The following UTP4 variants were observed in gnomAD, a reference collection of about 807,000 sequenced individuals.
UTP4 encodes the protein U3 small nucleolar RNA-associated protein 4 homolog.
A neutral mutation model predicts 82.4 loss-of-function variants in UTP4; 45 were observed. The observed-to-expected ratio is 0.55, with a 90% CI of 0.43 to 0.70. The LOEUF (loss-of-function observed/expected upper bound fraction) is 0.70, where lower values mean the gene tolerates loss of function less well. Ranked by LOEUF, UTP4 falls within the 30% of genes least tolerant of loss-of-function variation. The pLI is 0.00. For synonymous variants in UTP4, 348 were observed against 300.3 expected, an observed-to-expected ratio of 1.16 and a Z score of -1.64; for missense variants, 819 against 858.3, an observed-to-expected ratio of 0.95 and a Z score of 0.57.
rs777212721 is a variant in UTP4 at position 69,157,077 on chromosome 16, C to T, written c.1288-7C>T. 1.1e-5 allele frequency: 18 copies of T among 1,614,132 alleles called. No homozygotes were observed. Among genetic ancestry groups the T allele is most frequent in the Non-Finnish European group, 1.4e-5 (17 of 1,179,994 alleles). On this transcript the variant is annotated splice_region_variant and splice_polypyrimidine_tract_variant and intron_variant, in intron 11 of 16. Transcript: ENST00000314423. ...CTCACTGGCTTTTATTATTGGTTCACCCAAAGGTTTCCAAAATGCCAGCAT... is the reference window on the plus strand; with the variant it reads ...CTCACTGGCTTTTATTATTGGTTCATCCAAAGGTTTCCAAAATGCCAGCAT...
At chr16:69,137,910 G>T (rs1295690404) in intron 4 of UTP4, 25 bp downstream of exon 4, 41 of 1,370,598 alleles carry the variant, frequency 3.0e-5, no homozygotes, top group Non-Finnish European at 4.3e-5. Context: ...TCATGGGGCG[G>T]TAAATAGCCT....
intron 13 of UTP4, 85 bp downstream of exon 13, chr16:69,160,547 G>C: frequency 1.1e-6 from 1 of 941,466 alleles, no homozygotes; most frequent in Non-Finnish European, 1.8e-6. Flanking sequence ...AGGCAGATTG[G>C]CATGACCTGG....
chr16:69,139,413 T>C (rs984698766), intron 4 of UTP4, among the ~76,000 whole-genome samples: 2 of 150,538 alleles, frequency 1.3e-5, no homozygotes, highest in Admixed American at 1.3e-4. Flanking sequence ...CTGAGGCGGG[T>C]GGATCACTTG....
At chr16:69,163,830 C>T (rs1963626619) in intron 14 of UTP4, among the ~76,000 whole-genome samples, 1 of 150,868 alleles carries the variant, frequency 6.6e-6, no homozygotes, top group Admixed American at 6.6e-5. Flanking sequence ...ATCCAGGAAG[C>T]ACATTTAAGT....
intron 13 of UTP4, 74 bp from the exon 14 acceptor site, chr16:69,163,009 A>G: frequency 2.6e-6 from 3 of 1,171,008 alleles, no homozygotes; most frequent in South Asian, 2.4e-5. Context: ...TAAACCCCTG[A>G]CCTAGACCAT....
At chr16:69,143,114 G>A (rs937419979) in intron 5 of UTP4, 64 bp from the exon 6 acceptor site, 63 of 1,553,090 alleles carry the variant, frequency 4.1e-5, no homozygotes, top group African/African-American at 1.1e-4. Context: ...CACTTTGGCC[G>A]CAGGCAGATT....
At chr16:69,157,652 A>G (rs1963455757) in intron 12 of UTP4, among the ~76,000 whole-genome samples, 1 of 152,136 alleles carries the variant, frequency 6.6e-6, no homozygotes, top group Non-Finnish European at 1.5e-5. Flanking sequence ...GTTCATAAAA[A>G]GGTACAATCA....
chr16:69,155,694 CT>C (rs1475650885), intron 10 of UTP4, among the ~76,000 whole-genome samples, 176 bp from the exon 11 acceptor site: 1 of 152,136 alleles, frequency 6.6e-6, no homozygotes, highest in Non-Finnish European at 1.5e-5. Flanking sequence ...AAAGCCATGC[CT>C]TTTAGGTGCT....
intron 2 of UTP4, among the ~76,000 whole-genome samples, chr16:69,134,259 G>T (rs533398976): frequency 6.6e-6 from 1 of 152,090 alleles, no homozygotes; most frequent in African/African-American, 2.4e-5. Flanking sequence ...TGATATAAAT[G>T]AGTAGATGGG....
intron 10 of UTP4, among the ~76,000 whole-genome samples, chr16:69,154,702 G>A (rs1371752899): frequency 7.2e-6 from 1 of 139,310 alleles, no homozygotes; most frequent in African/African-American, 2.6e-5. Context: ...AAAATAATGT[G>A]CTTTTATTTA....
chr16:69,153,841 A>G, intron 9 of UTP4, 161 bp downstream of exon 9: 3 of 674,656 alleles, frequency 4.4e-6, no homozygotes, highest in Non-Finnish European at 5.3e-6. Flanking sequence ...TAAGCTGTTT[A>G]GAGTATTAGA....
intron 12 of UTP4, 94 bp from the exon 13 acceptor site, chr16:69,160,262 C>G (rs1963529330): frequency 8.7e-6 from 8 of 917,474 alleles, no homozygotes; most frequent in Non-Finnish European, 1.5e-5. Flanking sequence ...ATTTAAAACT[C>G]TAATGGTCTC....
chr16:69,134,777 A>G (rs1420573651), intron 2 of UTP4, among the ~76,000 whole-genome samples: 1 of 136,518 alleles, frequency 7.3e-6, no homozygotes, highest in Non-Finnish European at 1.5e-5. Context: ...ATCTTGGCTC[A>G]CTGCAACCTC....
chr16:69,137,966 C>G, intron 4 of UTP4, 81 bp downstream of exon 4: 1 of 882,732 alleles, frequency 1.1e-6, no homozygotes, highest in South Asian at 1.3e-5. Flanking sequence ...GGATATTTTC[C>G]CATGAATCCA....
At chr16:69,159,637 G>A (rs374267614) in intron 12 of UTP4, among the ~76,000 whole-genome samples, 3 of 151,998 alleles carry the variant, frequency 2.0e-5, no homozygotes, top group Non-Finnish European at 4.4e-5. Context: ...GCAGTGAGCC[G>A]AGATTGCACC....
intron 6 of UTP4, among the ~76,000 whole-genome samples, chr16:69,149,238 G>A (rs1963197465): frequency 6.6e-6 from 1 of 152,086 alleles, no homozygotes; most frequent in Non-Finnish European, 1.5e-5. Context: ...AAATTAACCA[G>A]GCATGGTGGC....
chr16:69,166,298 A>G (rs1467989941), intron 15 of UTP4: 2 of 155,296 alleles, frequency 1.3e-5, no homozygotes, highest in African/African-American at 2.4e-5. Context: ...AGATGGCTCT[A>G]AAGGAGGTGT....
At position 69,150,260 on chromosome 16, in the gene UTP4, C is replaced by A. The variant is rs190555202; in HGVS notation, c.739-277C>A. 4.9e-4 allele frequency among the ~76,000 whole-genome samples: 74 copies of A among 152,278 alleles called. 2 individuals are homozygous for A. The highest frequency in any genetic ancestry group is 1.5e-3 in the African/African-American group (63 of 41,538). ...CAAGTAGGTCCTAGGTATTTTCTCT[C>A]TCTCAATGCTATTCTAAGGAGATCT... On this transcript the variant is annotated intron_variant, in intron 6 of 16. Transcript: ENST00000314423.
rs200109466 is a variant in UTP4, at chr16:69,154,395, A to G, written c.1102A>G (p.Lys368Glu). The G allele has an allele frequency of 1.2e-6, 2 of 1,609,478 alleles. No homozygotes were observed. The highest frequency in any genetic ancestry group is 1.7e-6 in the Non-Finnish European group (2 of 1,176,020). Reference protein sequence around the residue: ...WRLGSTVATGKNGDTLPLSKN... With the variant: ...WRLGSTVATGENGDTLPLSKN... ...CTCAGGGAAGTTTCTTGTTTCAGGC[A>G]AGAATGGGGATACTCTTCCACTCTC... is the stretch of plus-strand genomic sequence containing the variant. Residue 368 changes from lysine (K) to glutamate (E), a missense_variant and splice_region_variant, in exon 10 of 17, where the codon AAG becomes GAG. Physicochemically the swap from Lys to Glu is moderately conservative, Grantham distance 56. Transcript: ENST00000314423.
Sources: allele counts gnomAD v4.1 joint callset (sites outside exome capture counted in the v4.1 genomes callset), GRCh38; gene constraint gnomAD v4.1.1; transcripts MANE v1.5; gene names NCBI Gene and HGNC (gene_info 2026-07-23, HGNC 2026-07-21).